The following HDAC9 variants were observed in gnomAD, a reference collection of about 807,000 sequenced individuals.
HDAC9 encodes MEF-2 interacting transcription repressor (MITR) protein.
HDAC9 carries 41 observed loss-of-function variants against 139.4 expected under a neutral mutation model. That is an observed-to-expected ratio of 0.29 (90% CI 0.23 to 0.38). The LOEUF (loss-of-function observed/expected upper bound fraction) is 0.38. Ranked by LOEUF, HDAC9 falls within the 10% of genes least tolerant of loss-of-function variation. The pLI is 1.00. For missense variants in HDAC9, 1,147 were observed against 1,297.0 expected (o/e 0.88, Z 1.78); for synonymous variants, 517 against 476.2 (o/e 1.09, Z -1.12).
chr7:18,771,960 G>T (rs1011202500), intron 16 of HDAC9, among the ~76,000 whole-genome samples: 1 of 152,078 alleles, frequency 6.6e-6, no homozygotes, highest in African/African-American at 2.4e-5. Flanking sequence ...GATAAGGCTT[G>T]TTGTTGATGA....
At chr7:18,224,806 C>CA (rs1562767211) in intron 2 of HDAC9, among the ~76,000 whole-genome samples, 2 of 151,732 alleles carry the variant, frequency 1.3e-5, no homozygotes, top group African/African-American at 4.8e-5. Flanking sequence ...TTACAATAAT[C>CA]AAAGAAGGTC....
chr7:18,530,842 T>C (rs981226723), intron 2 of HDAC9, among the ~76,000 whole-genome samples: 4 of 150,582 alleles, frequency 2.7e-5, no homozygotes, highest in South Asian at 2.1e-4. Context: ...GTAACACTTA[T>C]AAAAGTGTGA....
chr7:18,499,857 G>A (rs1180047138), intron 2 of HDAC9, among the ~76,000 whole-genome samples: 2 of 152,112 alleles, frequency 1.3e-5, no homozygotes, highest in Non-Finnish European at 2.9e-5. Context: ...GTTCCTTAGT[G>A]TATGGTGTTG....
intron 16 of HDAC9, among the ~76,000 whole-genome samples, chr7:18,786,486 C>CCTTCCTTCCTTCCTTCA (rs766384933): frequency 2.3e-3 from 75 of 32,710 alleles, no homozygotes; most frequent in African/African-American, 5.0e-3. Context: ...TCCTTCCTTT[C>CCTTCCTTCCTTCCTTCA]TTCCTTCCTT....
intron 22 of HDAC9, among the ~76,000 whole-genome samples, chr7:18,879,277 A>G (rs1364101047): frequency 6.6e-6 from 1 of 152,158 alleles, no homozygotes; most frequent in African/African-American, 2.4e-5. Flanking sequence ...TCAAACTACC[A>G]ATGACATTCT....
At chr7:18,400,001 C>T (rs1187460147) in intron 1 of HDAC9, among the ~76,000 whole-genome samples, 1 of 152,188 alleles carries the variant, frequency 6.6e-6, no homozygotes, top group Non-Finnish European at 1.5e-5. Flanking sequence ...GGCCTTCTTA[C>T]ACTGGCCTAT....
At chr7:18,223,747 T>C (rs1186606889) in intron 2 of HDAC9, among the ~76,000 whole-genome samples, 2 of 152,150 alleles carry the variant, frequency 1.3e-5, no homozygotes, top group Non-Finnish European at 2.9e-5. Flanking sequence ...GTTTCCTATA[T>C]ACTCTTATTA....
At chr7:18,497,933 A>G (rs745406263) in intron 2 of HDAC9, among the ~76,000 whole-genome samples, 8 of 152,072 alleles carry the variant, frequency 5.3e-5, no homozygotes, top group Non-Finnish European at 2.9e-5. Flanking sequence ...TGATAATCAC[A>G]TACAGCTTTA....
intron 22 of HDAC9, among the ~76,000 whole-genome samples, chr7:18,920,425 C>G (rs1803595531): frequency 6.6e-6 from 1 of 152,102 alleles, no homozygotes; most frequent in Non-Finnish European, 1.5e-5. Flanking sequence ...GATATACAAT[C>G]ATGTCATCTG....
intron 25 of HDAC9, among the ~76,000 whole-genome samples, chr7:18,980,601 GTTTATTATT>G (rs897746456): frequency 5.9e-5 from 9 of 151,950 alleles, no homozygotes; most frequent in African/African-American, 2.2e-4. Context: ...CTTGATAAAG[GTTTATTATT>G]TTTATTATTT....
At chr7:18,160,694 G>A (rs1055317149) in intron 1 of HDAC9, among the ~76,000 whole-genome samples, 2 of 152,070 alleles carry the variant, frequency 1.3e-5, no homozygotes, top group Admixed American at 6.6e-5. Flanking sequence ...TTGGCCCACT[G>A]CAACCTCTGC....
intron 22 of HDAC9, among the ~76,000 whole-genome samples, chr7:18,911,978 C>T (rs1802780866): frequency 6.6e-6 from 1 of 151,924 alleles, no homozygotes. Context: ...CTGCAGTTGT[C>T]AGATAAAATA....
intron 1 of HDAC9, among the ~76,000 whole-genome samples, chr7:18,381,918 A>G (rs1785481221): frequency 6.6e-6 from 1 of 152,190 alleles, no homozygotes; most frequent in Non-Finnish European, 1.5e-5. Context: ...TCCATGCATG[A>G]AAGACTTTAA....
intron 24 of HDAC9, among the ~76,000 whole-genome samples, chr7:18,962,241 C>A (rs1783573462): frequency 6.6e-6 from 1 of 152,108 alleles, no homozygotes; most frequent in East Asian, 1.9e-4. Flanking sequence ...AGACAGAGGC[C>A]TTGACGTTAG....
At chr7:18,783,412 G>C (rs1454134680) in intron 16 of HDAC9, among the ~76,000 whole-genome samples, 1 of 151,960 alleles carries the variant, frequency 6.6e-6, no homozygotes, top group East Asian at 1.9e-4. Flanking sequence ...TTGTATATGA[G>C]GCAATAAATA....
intron 21 of HDAC9, among the ~76,000 whole-genome samples, chr7:18,852,947 A>C (rs556868846): frequency 6.6e-6 from 1 of 152,222 alleles, no homozygotes; most frequent in African/African-American, 2.4e-5. Flanking sequence ...AATGAAGTCA[A>C]TCCAAACCAA....
intron 1 of HDAC9, among the ~76,000 whole-genome samples, chr7:18,452,176 G>C (rs936911652): frequency 6.6e-6 from 1 of 152,148 alleles, no homozygotes; most frequent in African/African-American, 2.4e-5. Context: ...AAAGTGACCT[G>C]AATCCTAGGC....
At chr7:18,324,461 G>T (rs1800284420) in intron 1 of HDAC9, among the ~76,000 whole-genome samples, 1 of 152,084 alleles carries the variant, frequency 6.6e-6, no homozygotes, top group Non-Finnish European at 1.5e-5. Context: ...CATATTGTAG[G>T]TACTTCATAA....
intron 17 of HDAC9, among the ~76,000 whole-genome samples, chr7:18,818,704 G>A (rs1039351813): frequency 3.3e-5 from 5 of 152,064 alleles, no homozygotes; most frequent in Admixed American, 2.6e-4. Flanking sequence ...GGCTGATTCT[G>A]GTACACGATG....
Sources: allele counts gnomAD v4.1 joint callset (sites outside exome capture counted in the v4.1 genomes callset), GRCh38; gene constraint gnomAD v4.1.1; transcripts MANE v1.5; gene names NCBI Gene and HGNC (gene_info 2026-07-23, HGNC 2026-07-21).